Variants in PTCH1 observed in about 807,000 individuals in gnomAD.
PTCH1 encodes the protein patched 1.
In PTCH1, 14 loss-of-function variants were observed where a neutral mutation model predicts 144.6. The ratio of observed to expected loss-of-function variants is 0.10; its 90% CI spans 0.06 to 0.15. The LOEUF (loss-of-function observed/expected upper bound fraction) is 0.15, where lower values mean the gene tolerates loss of function less well. PTCH1 is among the 10% of genes least tolerant of loss of function. The pLI, the probability that PTCH1 is intolerant of heterozygous loss-of-function variation, is 1.00. For missense variants in PTCH1, 1,623 were observed against 1,948.3 expected (o/e 0.83, Z 3.14); for synonymous variants, 833 against 793.6 (o/e 1.05, Z -0.83).
At chr9:95,477,453 G>T in intron 10 of PTCH1, 94 bp downstream of exon 10, 1 of 1,543,860 alleles carries the variant, frequency 6.5e-7, no homozygotes, top group Non-Finnish European at 8.9e-7. Flanking sequence ...CTTCCGGTGA[G>T]AAGGACACAC....
intron 19 of PTCH1, among the ~76,000 whole-genome samples, chr9:95,455,246 A>G (rs930401127): frequency 3.9e-5 from 6 of 152,228 alleles, no homozygotes; most frequent in Non-Finnish European, 8.8e-5. Flanking sequence ...CAATCTCTCA[A>G]TTGTATCACA....
In PTCH1 at chr9:95,479,153, G is replaced by GCA. The variant is rs748406293; in HGVS notation, c.1068-8_1068-7dup. On this transcript the variant is annotated splice_polypyrimidine_tract_variant and splice_region_variant and intron_variant, in intron 7 of 23. Coordinates refer to ENST00000331920, the MANE Select transcript of PTCH1 (RefSeq NM_000264.5). ...TGGTCTGCAGGGCATGGGCGCTGCA[G>GCA]CACAGTCCAAGGGAAGGCACATCAT... 1.2e-6 allele frequency: 2 copies of GCA among 1,614,072 alleles called. No homozygotes were observed. The highest frequency in any genetic ancestry group is 1.7e-6 in the Non-Finnish European group (2 of 1,180,006).
chr9:95,453,472 G>A lies in PTCH1; in HGVS notation c.3449+6C>T, dbSNP rs2136630772. ...AAAACATGTCTCCTTGCACACGCCTGCTTACCTGACAATGAAGTCGAACTC... is the reference window on the plus strand; with the variant it reads ...AAAACATGTCTCCTTGCACACGCCTACTTACCTGACAATGAAGTCGAACTC... On this transcript the variant is annotated splice_donor_region_variant and intron_variant, in intron 20 of 23. Transcript: ENST00000331920. The A allele has an allele frequency of 6.2e-7, 1 of 1,613,960 alleles. No individual in the cohort carries two copies. The highest frequency in any genetic ancestry group is 8.5e-7 in the Non-Finnish European group (1 of 1,180,022).
chr9:95,512,401 T>C (rs1357236677), upstream of PTCH1, among the ~76,000 whole-genome samples: 7 of 106,954 alleles, frequency 6.5e-5, no homozygotes, highest in Non-Finnish European at 1.3e-4. Flanking sequence ...CCGCTTCCCC[T>C]GTGGTCTGCT....
chr9:95,500,669 CT>C lies in PTCH1; in HGVS notation c.394+5737del, dbSNP rs1247332833. The stretch of plus-strand genomic sequence containing the variant: ...CCTTGGTTCTGCTCCACAAGGGCTC[CT>C]GGGGGGACAAGGGGGAGTGGTTTGT... On this transcript the variant is annotated intron_variant, in intron 2 of 23. Coordinates refer to ENST00000331920, the MANE Select transcript of PTCH1 (RefSeq NM_000264.5). 3.9e-5 allele frequency among the ~76,000 whole-genome samples: 6 copies of C among 152,282 alleles called. No individual in the cohort carries two copies. The South Asian group carries it at 1.2e-3, about 32-fold the overall frequency.
At chr9:95,453,109 G>A in intron 20 of PTCH1, 1 of 345,030 alleles carries the variant, frequency 2.9e-6, no homozygotes, top group South Asian at 2.3e-5. Flanking sequence ...AAGGAAATAA[G>A]CAACGAAGAT....
At chr9:95,506,333 C>T (rs1843632973) in intron 2 of PTCH1, 74 bp downstream of exon 2, 8 of 1,505,308 alleles carry the variant, frequency 5.3e-6, no homozygotes, top group East Asian at 2.3e-5. Flanking sequence ...TCTAGGTGTG[C>T]GCTGGCGAAT....
chr9:95,447,663 C>T (rs939062762), intron 22 of PTCH1, among the ~76,000 whole-genome samples: 4 of 152,362 alleles, frequency 2.6e-5, no homozygotes, highest in African/African-American at 9.6e-5. Context: ...TGTTTCCAGG[C>T]TTTCTCTGAC....
rs1478776556 is a variant in PTCH1 at position 95,476,551 on chromosome 9, C to T, written c.1602+208G>A. Among the ~76,000 whole-genome samples the T allele has an allele frequency of 1.3e-5, 2 of 152,034 alleles. No homozygotes were observed. The highest frequency in any genetic ancestry group is 4.8e-5 in the African/African-American group (2 of 41,400). ...CAAACACCCGTATTCCTAAAGGCAC[C>T]CGAGATGCAGCTCTTGGGACTTCTC... On this transcript the variant is annotated intron_variant, in intron 11 of 23. Coordinates refer to ENST00000331920, the MANE Select transcript of PTCH1 (RefSeq NM_000264.5). The surrounding 1 kb of genome is among the most constrained non-coding windows in gnomAD (Gnocchi z 4.6).
Position 95,445,320 on chromosome 9 carries a change from T to A in PTCH1, c.*1073A>T, listed in dbSNP as rs1488398953. On this transcript the variant is annotated 3_prime_UTR_variant, in exon 24 of 24. Transcript: ENST00000331920. ...TGGGGGTGTTGGGGGAGGGGTCGTG[T>A]GTGTGTTGGTCAGAAGAGGGGCACC... 6.6e-6 allele frequency: 1 copy of A among 152,158 alleles called. No individual in the cohort carries two copies. Among genetic ancestry groups the A allele is most frequent in the African/African-American group, 2.4e-5 (1 of 41,398 alleles). 9.4% of individuals were successfully genotyped at this position (152,158 alleles called of 1,614,324 possible). A position where few individuals can be genotyped will look rare whatever the true frequency, so the allele number is the denominator to read the frequency against.
At chr9:95,475,263 A>G (rs1270659115) in intron 12 of PTCH1, among the ~76,000 whole-genome samples, 3 of 152,170 alleles carry the variant, frequency 2.0e-5, no homozygotes, top group Non-Finnish European at 2.9e-5. Flanking sequence ...CTGAGTCTGG[A>G]TTAGAAAATA....
At chr9:95,514,462 C>G (rs1285526599) in intron 1 of PTCH1, 2 of 152,152 alleles carry the variant, frequency 1.3e-5, no homozygotes, top group African/African-American at 4.8e-5. Context: ...GCTGGAGCAA[C>G]AAATTTATCA....
intron 2 of PTCH1, among the ~76,000 whole-genome samples, chr9:95,490,530 CA>C (rs1258039030): frequency 2.9e-5 from 4 of 135,826 alleles, no homozygotes; most frequent in African/African-American, 8.9e-5. Flanking sequence ...GACACACACA[CA>C]CACACACACA....
At chr9:95,448,998 C>T (rs1018105107) in intron 22 of PTCH1, 71 bp downstream of exon 22, 1 of 1,597,844 alleles carries the variant, frequency 6.3e-7, no homozygotes, top group South Asian at 1.1e-5. Context: ...CAGACAGGAG[C>T]CCCCGCTGGA....
chr9:95,464,408 T>C (rs1166631302), intron 15 of PTCH1, among the ~76,000 whole-genome samples: 1 of 152,252 alleles, frequency 6.6e-6, no homozygotes, highest in African/African-American at 2.4e-5. Context: ...ATATCTTAGC[T>C]AGAAGTTCTC....
rs191033543 is a variant in PTCH1 at position 95,498,327 on chromosome 9, A to T, written c.394+8080T>A. On this transcript the variant is annotated intron_variant, in intron 2 of 23. Coordinates refer to ENST00000331920, the MANE Select transcript of PTCH1 (RefSeq NM_000264.5). ...GAGTGGACTATTTGGGCCAACTCAC[A>T]CCTGGGTTTCTGGATTAGAAATAAG... is the stretch of plus-strand genomic sequence containing the variant. Among the ~76,000 whole-genome samples the T allele has an allele frequency of 5.0e-3, 766 of 152,312 alleles. 4 individuals are homozygous for T. The highest frequency in any genetic ancestry group is 0.014 in the Middle Eastern group (4 of 294).
chr9:95,507,983 G>A, intron 1 of PTCH1, 178 bp downstream of exon 1: 6 of 1,502,726 alleles, frequency 4.0e-6, no homozygotes, highest in East Asian at 5.0e-5. Flanking sequence ...GGACCAGAGG[G>A]AGGGTTTGAA....
At position 95,469,936 on chromosome 9, in the gene PTCH1, G is replaced by A. The variant is rs763030829; in HGVS notation, c.1729-5C>T. 18 of 1,610,514 alleles carry A rather than the reference G, an allele frequency of 1.1e-5. No homozygotes were observed. The South Asian group carries it at 2.0e-4, about 18-fold the overall frequency. On this transcript the variant is annotated splice_region_variant and splice_polypyrimidine_tract_variant and intron_variant, in intron 12 of 23. Transcript: ENST00000331920. Reference sequence around the variant, plus strand: ...GAACACCACTACTACCGCTGCCTGGGAGCAGAAAAAAAATTCAGAGGTCAC... The same window carrying A: ...GAACACCACTACTACCGCTGCCTGGAAGCAGAAAAAAAATTCAGAGGTCAC...
chr9:95,496,771 ATAAAG>A (rs1443708383), intron 2 of PTCH1, among the ~76,000 whole-genome samples: 1 of 152,172 alleles, frequency 6.6e-6, no homozygotes, highest in South Asian at 2.1e-4. Context: ...CATGAGGAAA[ATAAAG>A]TAAGAAGAAA....
Sources: allele counts gnomAD v4.1 joint callset (sites outside exome capture counted in the v4.1 genomes callset), GRCh38; gene constraint gnomAD v4.1.1; non-coding constraint Gnocchi (gnomAD v3.1); transcripts MANE v1.5; gene names NCBI Gene and HGNC (gene_info 2026-07-23, HGNC 2026-07-21).